IFT172: variants seen among roughly 807,000 people sequenced by gnomAD.
IFT172 encodes intraflagellar transport 172.
In IFT172, 164 loss-of-function variants were observed where a neutral mutation model predicts 248.9. The observed-to-expected ratio is 0.66, with a 90% CI of 0.58 to 0.75. IFT172 has a LOEUF of 0.75. Ranked by LOEUF, IFT172 falls within the 30% of genes least tolerant of loss-of-function variation. The pLI is 0.00. For synonymous variants in IFT172, 729 were observed against 791.6 expected, an observed-to-expected ratio of 0.92 and a Z score of 1.33; for missense variants, 1,950 against 2,192.4, an observed-to-expected ratio of 0.89 and a Z score of 2.21.
intron 20 of IFT172, 99 bp from the exon 21 acceptor site, chr2:27,461,935 G>T: frequency 7.8e-7 from 1 of 1,281,456 alleles, no homozygotes; most frequent in South Asian, 1.2e-5. Flanking sequence ...AGCCCATGAG[G>T]ACCAAAAGCC....
intron 14 of IFT172, among the ~76,000 whole-genome samples, chr2:27,473,871 G>A (rs1186764796): frequency 6.6e-6 from 1 of 150,698 alleles, no homozygotes; most frequent in Non-Finnish European, 1.5e-5. Context: ...GCAGTGGCAC[G>A]ATCTCGGCTC....
At position 27,446,247 on chromosome 2, in the gene IFT172, T is replaced by G. The variant is rs776563892; in HGVS notation, c.4755+13A>C. On this transcript the variant is annotated intron_variant, in intron 43 of 47. Transcript: ENST00000260570. Reference sequence around the variant, plus strand: ...TCCTCCTATCTGCCCCACCCTTCCTTGTCCCAGCTCACCTTGGCAGCAATG... The same window carrying G: ...TCCTCCTATCTGCCCCACCCTTCCTGGTCCCAGCTCACCTTGGCAGCAATG... 1.7e-5 allele frequency: 28 copies of G among 1,613,122 alleles called. No homozygotes were observed. Among genetic ancestry groups the G allele is most frequent in the Non-Finnish European group, 2.4e-5 (28 of 1,179,226 alleles).
Position 27,459,842 on chromosome 2 carries a change from GA to G in IFT172, c.2522-14del, listed in dbSNP as rs771027025. ...GCCAGCTCTACCGCTGCCAGGGAGA[GA>G]AAAGATGCTCAGCCCAGATTTCCAG... On this transcript the variant is annotated splice_polypyrimidine_tract_variant and intron_variant, in intron 23 of 47. Transcript: ENST00000260570. The G allele has an allele frequency of 2.5e-6, 4 of 1,609,044 alleles. No homozygotes were observed. The highest frequency in any genetic ancestry group is 2.2e-5 in the East Asian group (1 of 44,878).
chr2:27,485,265 T>C, intron 2 of IFT172, 95 bp downstream of exon 2: 1 of 1,579,856 alleles, frequency 6.3e-7, no homozygotes, highest in Non-Finnish European at 8.6e-7. Context: ...GGGTATGCCA[T>C]TTCCTATGCT....
At position 27,446,251 on chromosome 2, in the gene IFT172, C is replaced by G. The variant is rs375261962; in HGVS notation, c.4755+9G>C. The G allele has an allele frequency of 2.3e-4, 372 of 1,613,728 alleles. No individual in the cohort carries two copies. In the African/African-American group the frequency reaches 4.4e-3, roughly 19 times the overall value. On this transcript the variant is annotated intron_variant, in intron 43 of 47. Transcript: ENST00000260570. ...CCTATCTGCCCCACCCTTCCTTGTC[C>G]CAGCTCACCTTGGCAGCAATGCCTG...
intron 20 of IFT172, among the ~76,000 whole-genome samples, chr2:27,462,058 G>C (rs763652888): frequency 6.6e-6 from 1 of 152,152 alleles, no homozygotes; most frequent in Non-Finnish European, 1.5e-5. Flanking sequence ...TTGAGATGGA[G>C]TCTCACTCTG....
At chr2:27,468,492 C>T (rs947601294) in intron 16 of IFT172, among the ~76,000 whole-genome samples, 4 of 151,944 alleles carry the variant, frequency 2.6e-5, no homozygotes, top group Non-Finnish European at 5.9e-5. Flanking sequence ...TCTCAGCCTC[C>T]CAAAGTGCTG....
At position 27,457,898 on chromosome 2, in the gene IFT172, G is replaced by A. The variant is rs1411545534; in HGVS notation, c.3054C>T (p.Arg1018=). ...KKHKLYDDMI[R]LVGKHHPDLL... is the part of the protein sequence containing the mutation. ...GATCTGGATGGTGCTTCCCTACCAG[G>A]CGGATCATGTCATCATACAACTTGT... is the stretch of plus-strand genomic sequence containing the variant. Residue 1018 remains arginine (R), a synonymous_variant, in exon 28 of 48, where the codon CGC becomes CGT. Transcript: ENST00000260570. 9.3e-6 allele frequency: 15 copies of A among 1,614,138 alleles called. No homozygotes were observed. The highest frequency in any genetic ancestry group is 1.3e-5 in the Non-Finnish European group (15 of 1,180,012).
chr2:27,466,912 A>G (rs1248536963), intron 16 of IFT172, among the ~76,000 whole-genome samples: 2 of 152,068 alleles, frequency 1.3e-5, no homozygotes, highest in Non-Finnish European at 2.9e-5. Context: ...GCTACTCAGG[A>G]GGCTGAGGTG....
intron 16 of IFT172, among the ~76,000 whole-genome samples, chr2:27,467,943 A>G (rs1667233665): frequency 6.6e-6 from 1 of 151,762 alleles, no homozygotes; most frequent in Non-Finnish European, 1.5e-5. Context: ...GGCGGATCAC[A>G]AGGTCAGGAG....
At position 27,458,047 on chromosome 2, in the gene IFT172, A is replaced by G. The variant is rs935785998; in HGVS notation, c.2976-71T>C. On this transcript the variant is annotated intron_variant, in intron 27 of 47. Coordinates refer to ENST00000260570, the MANE Select transcript of IFT172 (RefSeq NM_015662.3). ...TATCACTGCCTTCTGGGCAGAGGGT[A>G]CACATCCTCAGACCCCATCCCTCGT... 9.9e-6 allele frequency: 16 copies of G among 1,611,702 alleles called. No homozygotes were observed. In the African/African-American group the frequency reaches 1.6e-4, roughly 16 times the overall value.
chr2:27,460,023 A>G (rs1276840390), intron 23 of IFT172, among the ~76,000 whole-genome samples, 194 bp from the exon 24 acceptor site: 1 of 152,084 alleles, frequency 6.6e-6, no homozygotes, highest in Non-Finnish European at 1.5e-5. Context: ...GTGTCTGTGT[A>G]GAAAGAAGTA....
At chr2:27,452,920 A>C (rs1290414044) in intron 35 of IFT172, among the ~76,000 whole-genome samples, 3 of 152,084 alleles carry the variant, frequency 2.0e-5, no homozygotes, top group Non-Finnish European at 4.4e-5. Flanking sequence ...AATTTGCTGG[A>C]AGCTTCTTTT....
At position 27,448,899 on chromosome 2, in the gene IFT172, A is replaced by C; in HGVS notation, c.4428+16T>G. ...CTTTCTTGTGGAAACATTCAACCCA[A>C]GGAGAAGGCTGGTACCTGTGGGTTA... On this transcript the variant is annotated intron_variant, in intron 40 of 47. Transcript: ENST00000260570. 2.5e-6 allele frequency: 3 copies of C among 1,220,118 alleles called. No individual in the cohort carries two copies. Among genetic ancestry groups the C allele is most frequent in the Non-Finnish European group, 3.7e-6 (3 of 820,052 alleles). 75.6% of individuals were successfully genotyped at this position (1,220,118 alleles called of 1,614,324 possible). A position where few individuals can be genotyped will look rare whatever the true frequency, so the allele number is the denominator to read the frequency against.
chr2:27,455,566 C>T, intron 30 of IFT172: 1 of 207,864 alleles, frequency 4.8e-6, no homozygotes, highest in South Asian at 6.7e-5. Context: ...AAAAAATTAG[C>T]CGGGCGTGGT....
intron 42 of IFT172, 75 bp downstream of exon 42, chr2:27,447,440 G>C: frequency 1.3e-6 from 2 of 1,552,512 alleles, no homozygotes; most frequent in Non-Finnish European, 8.7e-7. Context: ...AATCCAGAAC[G>C]TGAATCAATT....
Position 27,481,533 on chromosome 2 carries a change from ATTTTC to A in IFT172, c.571-278_571-274del, listed in dbSNP as rs1177560533. On this transcript the variant is annotated intron_variant, in intron 7 of 47. Coordinates refer to ENST00000260570, the MANE Select transcript of IFT172 (RefSeq NM_015662.3). ...AACCTCAAAATGCTTGTATATTGGA[ATTTTC>A]TTTTTTCTTTTTTTTTTTTTTGAGA... Among the ~76,000 whole-genome samples, 161 of 150,030 alleles carry A rather than the reference ATTTTC, an allele frequency of 1.1e-3. 1 individual carries two copies. The highest frequency in any genetic ancestry group is 3.7e-3 in the African/African-American group (151 of 40,610).
chr2:27,479,152 C>T (rs911074325), intron 10 of IFT172, among the ~76,000 whole-genome samples: 2 of 152,080 alleles, frequency 1.3e-5, no homozygotes, highest in Non-Finnish European at 2.9e-5. Context: ...CTACAGGCAC[C>T]CGCCACAACG....
Position 27,465,420 on chromosome 2 carries a change from A to G in IFT172, c.1928T>C (p.Ile643Thr), listed in dbSNP as rs1208007190. ...KLALEARQLH[I>T]AERCFSALGQ... ...TACATGTCTACCTCACCTCTCCGCA[A>G]TGTGTAGTTGCCTTGCCTCTAGTGC... Residue 643 changes from isoleucine to threonine, a missense_variant, in exon 18 of 48, where the codon ATT (isoleucine) becomes ACT (threonine). This residue lies in a region of IFT172 where 1,166 missense variants were observed against 1,254.1 expected (regional missense o/e 0.93). Coordinates refer to ENST00000260570, the MANE Select transcript of IFT172 (RefSeq NM_015662.3). The G allele has an allele frequency of 2.5e-6, 4 of 1,613,940 alleles. No individual in the cohort carries two copies. The highest frequency in any genetic ancestry group is 1.7e-6 in the Non-Finnish European group (2 of 1,179,862).
Sources: allele counts gnomAD v4.1 joint callset (sites outside exome capture counted in the v4.1 genomes callset), GRCh38; gene constraint gnomAD v4.1.1; regional missense constraint gnomAD v4.1.1; transcripts MANE v1.5; gene names NCBI Gene and HGNC (gene_info 2026-07-23, HGNC 2026-07-21).